Variants in EPB42 observed in about 807,000 individuals in gnomAD.
EPB42 encodes erythrocyte membrane protein band 4.2.
EPB42 carries 49 observed loss-of-function variants against 76.9 expected under a neutral mutation model. That is an observed-to-expected ratio of 0.64 (90% CI 0.51 to 0.81). The LOEUF (loss-of-function observed/expected upper bound fraction) is 0.81, where lower values mean the gene tolerates loss of function less well. Among genes scored for constraint, EPB42 ranks in the 30% least tolerant of loss-of-function variants. The probability of loss-of-function intolerance (pLI) is 0.00; values close to 1 mark genes in which losing one functional copy is unlikely to be tolerated. For synonymous variants in EPB42, 310 were observed against 338.4 expected, an observed-to-expected ratio of 0.92 and a Z score of 0.92; for missense variants, 731 against 867.6, an observed-to-expected ratio of 0.84 and a Z score of 1.98.
intron 7 of EPB42, 79 bp downstream of exon 7, chr15:43,208,558 G>C (rs1439692790): frequency 6.3e-7 from 1 of 1,589,964 alleles, no homozygotes; most frequent in Non-Finnish European, 8.6e-7. Context: ...CATGCAGGGG[G>C]TGGGGCTCCT....
At chr15:43,198,240 T>A (rs1311732873) in intron 12 of EPB42, among the ~76,000 whole-genome samples, 1 of 152,060 alleles carries the variant, frequency 6.6e-6, no homozygotes, top group East Asian at 1.9e-4. Context: ...CAGAAGAAGA[T>A]GAAAATGTGG....
At chr15:43,220,019 A>G (rs2042434266) in intron 1 of EPB42, among the ~76,000 whole-genome samples, 1 of 151,612 alleles carries the variant, frequency 6.6e-6, no homozygotes, top group Non-Finnish European at 1.5e-5. Flanking sequence ...TATTGACTTA[A>G]TTCACCCAGA....
chr15:43,209,370 G>C lies in EPB42; in HGVS notation c.736C>G (p.Arg246Gly), dbSNP rs770888181. 5.6e-6 allele frequency: 9 copies of C among 1,614,052 alleles called. No individual in the cohort carries two copies. The highest frequency in any genetic ancestry group is 6.8e-6 in the Non-Finnish European group (8 of 1,179,994). ...TQEGALLNKR[R>G]GSVPILRQWL... ...TGCCGCAGGATGGGCACGCTGCCCC[G>C]GCGCTTGTTCAGCAAGGCCCCTTCC... The change falls in exon 6 of 13, where the codon CGG (arginine) becomes GGG (glycine). Residue 246 changes from arginine to glycine, a missense_variant. Arg to Gly is a moderately radical substitution (Grantham distance 125). Coordinates refer to ENST00000441366, the MANE Select transcript of EPB42 (RefSeq NM_001114134.2).
upstream of EPB42, chr15:43,221,138 TG>T (rs2042456517): frequency 2.5e-6 from 1 of 402,772 alleles, no homozygotes; most frequent in Non-Finnish European, 4.7e-6. Context: ...GGGGGTGGGA[TG>T]GGGAAGACCT....
At chr15:43,205,091 T>C (rs894566238) in intron 10 of EPB42, among the ~76,000 whole-genome samples, 2 of 151,894 alleles carry the variant, frequency 1.3e-5, no homozygotes, top group Non-Finnish European at 2.9e-5. Flanking sequence ...GAATTTCTGA[T>C]TCCATTGACT....
chr15:43,213,573 T>G (rs1157106148), intron 3 of EPB42, among the ~76,000 whole-genome samples: 2 of 152,220 alleles, frequency 1.3e-5, no homozygotes, highest in East Asian at 3.9e-4. Flanking sequence ...GTCCTAGAAC[T>G]CTTTGCTGGG....
chr15:43,212,078 T>A (rs74702069), intron 3 of EPB42, among the ~76,000 whole-genome samples: 1 of 145,198 alleles, frequency 6.9e-6, no homozygotes, highest in African/African-American at 2.6e-5. Flanking sequence ...TAAAAAAAAA[T>A]GAAAACCAGC....
intron 6 of EPB42, among the ~76,000 whole-genome samples, chr15:43,209,034 G>T (rs1596410485): frequency 6.6e-6 from 1 of 152,220 alleles, no homozygotes; most frequent in African/African-American, 2.4e-5. Flanking sequence ...CTCTGCTAGG[G>T]CAGGGTTAGG....
In EPB42 at chr15:43,216,320, T is replaced by C. The variant is rs1378910993; in HGVS notation, c.144A>G (p.Pro48=). 5 of 1,614,166 alleles carry C rather than the reference T, an allele frequency of 3.1e-6. No individual in the cohort carries two copies. The highest frequency in any genetic ancestry group is 4.2e-6 in the Non-Finnish European group (5 of 1,180,026). The change falls in exon 2 of 13, where the codon CCA becomes CCG. Residue 48 remains proline, a synonymous_variant. Transcript: ENST00000441366. ...TCAGGGCAGGCAGAAATGCACGGAC[T>C]GGAGCGCGGAAGTACAGGATGATGG... is the stretch of plus-strand genomic sequence containing the variant. The part of the protein sequence containing the change: ...PFTIILYFRA[P]VRAFLPALKK...
Position 43,215,303 on chromosome 15 carries a change from C to A in EPB42, c.222G>T (p.Arg74Ser). Residue 74 changes from arginine (R) to serine (S), a missense_variant, in exon 3 of 13, where the codon AGG becomes AGT. By Grantham distance (110) the Arg-to-Ser change is moderately radical. Coordinates refer to ENST00000441366, the MANE Select transcript of EPB42 (RefSeq NM_001114134.2). ...QTGEQPSKIN[R>S]TQATFPISSL... The stretch of plus-strand genomic sequence containing the variant: ...TGGAAATTGGGAATGTGGCTTGGGT[C>A]CTGTTGATCTTGGAAGGCTGCTCTC... The A allele has an allele frequency of 6.2e-7, 1 of 1,614,188 alleles. No individual in the cohort carries two copies. The highest frequency in any genetic ancestry group is 1.1e-5 in the South Asian group (1 of 91,074).
upstream of EPB42, among the ~76,000 whole-genome samples, chr15:43,224,167 A>G (rs1045459540): frequency 6.6e-6 from 1 of 152,138 alleles, no homozygotes; most frequent in Admixed American, 6.5e-5. Context: ...TCTTCCTCAC[A>G]TGCCCTCTTC....
In EPB42 at chr15:43,215,188, C is replaced by G. The variant is rs1402342689; in HGVS notation, c.337G>C (p.Val113Leu). 5.0e-6 allele frequency: 8 copies of G among 1,614,122 alleles called. No individual in the cohort carries two copies. Among genetic ancestry groups the G allele is most frequent in the Middle Eastern group, 1.6e-4 (1 of 6,084 alleles). Residue 113 changes from valine to leucine, a missense_variant, in exon 3 of 13, where the codon GTC (valine) becomes CTC (leucine). Val to Leu is a conservative substitution (Grantham distance 32, BLOSUM62 1). Coordinates refer to ENST00000441366, the MANE Select transcript of EPB42 (RefSeq NM_001114134.2). ...AGCAGAAGCGAGTAGTGGCCAATGA[C>G]AGCGTCCGCAGGTGTGGTCACAGAG... ...TISVTTPADAVIGHYSLLLQV... is the reference protein window; with the variant it reads ...TISVTTPADALIGHYSLLLQV...
rs79586289 is a variant in EPB42, at chr15:43,219,340, T to C, written c.10+1476A>G. Among the ~76,000 whole-genome samples, 1,321 of 152,336 alleles carry C rather than the reference T, an allele frequency of 8.7e-3. 20 individuals carry two copies. Among genetic ancestry groups the C allele is most frequent in the African/African-American group, 0.03 (1,252 of 41,568 alleles). ...TTATTATCTTTCTTTTTAATATAAA[T>C]TTTTTACTTGTAAGTTTATACAATT... On this transcript the variant is annotated intron_variant, in intron 1 of 12. Transcript: ENST00000441366.
chr15:43,219,940 G>A (rs1289034468), intron 1 of EPB42, among the ~76,000 whole-genome samples: 1 of 144,830 alleles, frequency 6.9e-6, no homozygotes, highest in Non-Finnish European at 1.5e-5. Flanking sequence ...GAGAGACTCC[G>A]TTTAAAAAAA....
intron 3 of EPB42, among the ~76,000 whole-genome samples, chr15:43,214,449 C>T (rs2042346288): frequency 6.6e-6 from 1 of 151,996 alleles, no homozygotes; most frequent in Admixed American, 6.6e-5. Flanking sequence ...TGGAGAGCGC[C>T]CAGCAATCTG....
At chr15:43,213,395 C>CA (rs1365117384) in intron 3 of EPB42, among the ~76,000 whole-genome samples, 1 of 152,208 alleles carries the variant, frequency 6.6e-6, no homozygotes, top group African/African-American at 2.4e-5. Flanking sequence ...GAAAACTTCT[C>CA]AGTCACCTCC....
At position 43,209,436 on chromosome 15, in the gene EPB42, C is replaced by T; in HGVS notation, c.670G>A (p.Glu224Lys). Residue 224 changes from glutamate (E) to lysine (K), a missense_variant, in exon 6 of 13, where the codon GAG becomes AAG. Glu to Lys is a moderately conservative substitution (Grantham distance 56, BLOSUM62 1). Transcript: ENST00000441366. ...VLGALLHFLK[E>K]QRVLPTPQTQ... ...TGCGGGGTGGGCAGGACCCTCTGCTCCTTGAGAAAATGCAGCTGTTTGGGG... is the reference window on the plus strand; with the variant it reads ...TGCGGGGTGGGCAGGACCCTCTGCTTCTTGAGAAAATGCAGCTGTTTGGGG... 1.2e-6 allele frequency: 2 copies of T among 1,611,024 alleles called. No homozygotes were observed. Among genetic ancestry groups the T allele is most frequent in the South Asian group, 1.1e-5 (1 of 90,896 alleles).
At chr15:43,200,846 G>A (rs1036509776) in intron 12 of EPB42, among the ~76,000 whole-genome samples, 5 of 145,894 alleles carry the variant, frequency 3.4e-5, no homozygotes, top group South Asian at 2.1e-4. Flanking sequence ...ATGGAGTCTC[G>A]CTCTTTCACC....
At chr15:43,220,579 A>G (rs2042442541) in intron 1 of EPB42, 1 of 796,138 alleles carries the variant, frequency 1.3e-6, no homozygotes, top group Non-Finnish European at 2.1e-6. Context: ...CTCCGCCTCC[A>G]CCAGCACCCA....
Sources: allele counts gnomAD v4.1 joint callset (sites outside exome capture counted in the v4.1 genomes callset), GRCh38; gene constraint gnomAD v4.1.1; transcripts MANE v1.5; gene names NCBI Gene and HGNC (gene_info 2026-07-23, HGNC 2026-07-21).